HNMT: variants seen among roughly 807,000 people sequenced by gnomAD.
The protein encoded by HNMT is histamine N-methyltransferase.
HNMT carries 30 observed loss-of-function variants against 32.1 expected under a neutral mutation model. That is an observed-to-expected ratio of 0.93 (90% CI 0.70 to 1.27). HNMT has a LOEUF of 1.27. HNMT is among the 50% of genes most tolerant of loss of function. The pLI, the probability that HNMT is intolerant of heterozygous loss-of-function variation, is 0.00. For synonymous variants in HNMT, 125 were observed against 119.0 expected, an observed-to-expected ratio of 1.05 and a Z score of -0.33; for missense variants, 327 against 346.0, an observed-to-expected ratio of 0.95 and a Z score of 0.43.
chr2:137,985,888 G>A (rs1680637192), intron 2 of HNMT, among the ~76,000 whole-genome samples: 1 of 152,018 alleles, frequency 6.6e-6, no homozygotes, highest in Non-Finnish European at 1.5e-5. Context: ...AAGTATCCTT[G>A]AACCCAGGAG....
chr2:138,010,136 A>G (rs770359580), intron 5 of HNMT, among the ~76,000 whole-genome samples: 26 of 152,186 alleles, frequency 1.7e-4, no homozygotes, highest in Admixed American at 3.3e-4. Flanking sequence ...TCTCCAATGC[A>G]CAAAACTGAG....
chr2:138,013,952 A>G lies in HNMT; in HGVS notation c.701A>G (p.Asn234Ser). Reference sequence around the variant, plus strand: ...ATATCTGACTGCTTTATTGATGGTAATGAAAATGGAGACCTGCTTTGGGAT... The same window carrying G: ...ATATCTGACTGCTTTATTGATGGTAGTGAAAATGGAGACCTGCTTTGGGAT... ...MDISDCFIDG[N>S]ENGDLLWDFL... Residue 234 changes from asparagine (N) to serine (S), a missense_variant, in exon 6 of 6, where the codon AAT (asparagine) becomes AGT (serine). Asn to Ser is a conservative substitution (Grantham distance 46). Coordinates refer to ENST00000280097, the MANE Select transcript of HNMT (RefSeq NM_006895.3). The G allele has an allele frequency of 1.2e-6, 2 of 1,613,858 alleles. No individual in the cohort carries two copies. Among genetic ancestry groups the G allele is most frequent in the Non-Finnish European group, 1.7e-6 (2 of 1,179,854 alleles).
chr2:138,015,284 A>T lies in HNMT; in HGVS notation c.*1154A>T, dbSNP rs1362062296. On this transcript the variant is annotated 3_prime_UTR_variant, in exon 6 of 6. Coordinates refer to ENST00000280097, the MANE Select transcript of HNMT (RefSeq NM_006895.3). ...TATTTTAAGTATGTAAATAATTAGT[A>T]CTCCCTGTCACAAACAAAACAAAAG... 1 of 152,016 alleles carries T rather than the reference A, an allele frequency of 6.6e-6. No individual in the cohort carries two copies. 9.4% of individuals were successfully genotyped at this position (152,016 alleles called of 1,614,324 possible).
At chr2:138,006,544 C>T (rs1000362791) in intron 5 of HNMT, among the ~76,000 whole-genome samples, 2 of 151,890 alleles carry the variant, frequency 1.3e-5, no homozygotes, top group African/African-American at 4.8e-5. Flanking sequence ...CAAAGCCAGC[C>T]TGAAGTTTAG....
intron 4 of HNMT, among the ~76,000 whole-genome samples, chr2:138,003,814 C>G (rs934746425): frequency 6.6e-6 from 1 of 152,118 alleles, no homozygotes. Context: ...TTGCAAAAAC[C>G]TCCTCTTATC....
intron 2 of HNMT, among the ~76,000 whole-genome samples, chr2:137,996,989 A>T (rs1020177330): frequency 1.6e-4 from 24 of 152,176 alleles, no homozygotes; most frequent in African/African-American, 5.5e-4. Flanking sequence ...CTGAAACTCG[A>T]CCCCTTCCTT....
At position 137,999,902 on chromosome 2, in the gene HNMT, ATTTTT is replaced by A. The variant is rs753771122; in HGVS notation, c.191-1015_191-1011del. On this transcript the variant is annotated intron_variant, in intron 2 of 5. Coordinates refer to ENST00000280097, the MANE Select transcript of HNMT (RefSeq NM_006895.3). The stretch of plus-strand genomic sequence containing the variant: ...AACTAATAAATTAAGTACTATTATT[ATTTTT>A]ATTTTTCTAATAAAAAAAAAAAAGA... Among the ~76,000 whole-genome samples the A allele has an allele frequency of 2.6e-3, 253 of 99,108 alleles. No homozygotes were observed. The Middle Eastern group carries it at 0.036, about 14-fold the overall frequency. The allele number at this position is 99,108 out of a possible 152,430, so 65.0% of individuals were successfully genotyped here. A position where few individuals can be genotyped will look rare whatever the true frequency, so the allele number is the denominator to read the frequency against.
At chr2:137,994,176 A>C (rs892379249) in intron 2 of HNMT, among the ~76,000 whole-genome samples, 1 of 152,202 alleles carries the variant, frequency 6.6e-6, no homozygotes, top group Non-Finnish European at 1.5e-5. Flanking sequence ...AATGATACTA[A>C]CCTTAAATGT....
intron 2 of HNMT, among the ~76,000 whole-genome samples, chr2:138,000,413 G>A (rs1280540193): frequency 6.6e-6 from 1 of 151,928 alleles, no homozygotes; most frequent in Non-Finnish European, 1.5e-5. Context: ...TATCTGACAT[G>A]TTTTTCTTCT....
chr2:138,000,116 T>C (rs1681114834), intron 2 of HNMT, among the ~76,000 whole-genome samples: 1 of 152,116 alleles, frequency 6.6e-6, no homozygotes, highest in Non-Finnish European at 1.5e-5. Context: ...TTCTAAGAAA[T>C]CTAGACTGCT....
chr2:137,995,689 C>T (rs1010186837), intron 2 of HNMT, among the ~76,000 whole-genome samples: 11 of 151,958 alleles, frequency 7.2e-5, no homozygotes, highest in East Asian at 3.9e-4. Context: ...TTCCTGATAA[C>T]GAAATCAAGA....
intron 2 of HNMT, among the ~76,000 whole-genome samples, chr2:137,983,271 C>T (rs1357967464): frequency 6.6e-6 from 1 of 152,122 alleles, no homozygotes; most frequent in Non-Finnish European, 1.5e-5. Flanking sequence ...ACTCAGCCTC[C>T]CCTGTCCTCA....
intron 3 of HNMT, among the ~76,000 whole-genome samples, chr2:138,001,270 T>C (rs886728908): frequency 2.0e-5 from 3 of 152,228 alleles, no homozygotes; most frequent in Non-Finnish European, 4.4e-5. Context: ...TACCTTTTGA[T>C]GTTTATGCTT....
intron 2 of HNMT, among the ~76,000 whole-genome samples, chr2:137,988,901 T>C (rs1680733228): frequency 6.6e-6 from 1 of 152,066 alleles, no homozygotes; most frequent in Non-Finnish European, 1.5e-5. Context: ...ATTTTTGTCA[T>C]TGTTGTTTTA....
chr2:137,995,675 C>A (rs893416418), intron 2 of HNMT, among the ~76,000 whole-genome samples: 4 of 152,062 alleles, frequency 2.6e-5, no homozygotes, highest in Non-Finnish European at 5.9e-5. Flanking sequence ...ATGAAGCCAG[C>A]ATCTTCCTGA....
At chr2:138,001,105 A>T (rs1681157918) in intron 3 of HNMT, 80 bp downstream of exon 3, 2 of 676,808 alleles carry the variant, frequency 3.0e-6, no homozygotes, top group Admixed American at 3.0e-5. Flanking sequence ...ATGATTAAAA[A>T]TATAGTTACT....
At chr2:137,997,583 A>C (rs1681034693) in intron 2 of HNMT, among the ~76,000 whole-genome samples, 2 of 152,218 alleles carry the variant, frequency 1.3e-5, no homozygotes, top group Non-Finnish European at 2.9e-5. Flanking sequence ...TGGGAATGTC[A>C]ATTAGTTCAA....
At chr2:138,006,316 C>A (rs1289749124) in intron 5 of HNMT, among the ~76,000 whole-genome samples, 1 of 151,822 alleles carries the variant, frequency 6.6e-6, no homozygotes, top group Admixed American at 6.6e-5. Context: ...TTGTAGGCAG[C>A]CTATTCTTGA....
At chr2:137,980,938 T>C (rs1680474910) in intron 2 of HNMT, among the ~76,000 whole-genome samples, 1 of 152,146 alleles carries the variant, frequency 6.6e-6, no homozygotes, top group African/African-American at 2.4e-5. Context: ...AATCAGATTG[T>C]TCTTTCTCTG....
Sources: gnomAD v4.1 joint callset for allele counts (sites outside exome capture counted in the v4.1 genomes callset) on GRCh38, gnomAD v4.1.1 for gene constraint, MANE v1.5 for transcripts, NCBI Gene and HGNC (gene_info 2026-07-23, HGNC 2026-07-21) for gene names.